MYO18B: variants seen among roughly 807,000 people sequenced by gnomAD.
The protein encoded by MYO18B is myosin XVIIIB, also known as unconventional myosin-XVIIIb.
Under a neutral mutation model 273.0 loss-of-function variants are expected in MYO18B, and 204 were observed. That is an observed-to-expected ratio of 0.75 (90% confidence interval 0.67 to 0.84). The LOEUF is 0.84. Ranked by LOEUF, MYO18B falls within the 40% of genes least tolerant of loss-of-function variation. MYO18B has a pLI of 0.00. For missense variants in MYO18B, 3,212 were observed against 3,287.6 expected (o/e 0.98, Z 0.56); for synonymous variants, 1,330 against 1,305.7 (o/e 1.02, Z -0.40).
chr22:25,768,931 G>C lies in MYO18B; in HGVS notation c.1015G>C (p.Gly339Arg). Residue 339 changes from glycine to arginine, a missense_variant, in exon 4 of 44, where the codon GGG (glycine) becomes CGG (arginine). By Grantham distance (125) the Gly-to-Arg change is moderately radical. Coordinates refer to ENST00000335473, the MANE Select transcript of MYO18B (RefSeq NM_032608.7). ...TCCCCAGAATAAGAAGGACAAAGAA[G>C]GGGTGCTCTTAAGTAAGGCAGAGAA... ...DGPQNKKDKEGVLLSKAEKTG... is the reference protein window; with the variant it reads ...DGPQNKKDKERVLLSKAEKTG... 9 of 1,612,522 alleles carry C rather than the reference G, an allele frequency of 5.6e-6. No individual in the cohort carries two copies. The highest frequency in any genetic ancestry group is 7.6e-6 in the Non-Finnish European group (9 of 1,179,308).
intron 40 of MYO18B, among the ~76,000 whole-genome samples, chr22:25,996,560 A>AGT (rs150956634): frequency 4.6e-5 from 7 of 151,618 alleles, no homozygotes; most frequent in South Asian, 2.1e-4. Context: ...CTGATGGTGG[A>AGT]GTGTGTGTGT....
chr22:25,839,791 G>T (rs868102482), intron 17 of MYO18B, among the ~76,000 whole-genome samples: 3 of 152,280 alleles, frequency 2.0e-5, no homozygotes, highest in South Asian at 4.1e-4. Context: ...GAAAGAGCTG[G>T]GGAAGCCCAG....
At chr22:25,777,942 T>C (rs571298038) in intron 8 of MYO18B, among the ~76,000 whole-genome samples, 161 bp downstream of exon 8, 8 of 152,212 alleles carry the variant, frequency 5.3e-5, no homozygotes, top group Non-Finnish European at 1.2e-4. Context: ...CCCTAGGTCA[T>C]TGGGATGCAT....
chr22:25,746,571 A>G (rs1191774820), intron 1 of MYO18B, among the ~76,000 whole-genome samples: 2 of 152,168 alleles, frequency 1.3e-5, no homozygotes, highest in Non-Finnish European at 1.5e-5. Flanking sequence ...TGTCTCTAGG[A>G]TGTTTCCAAA....
At chr22:25,974,650 A>C (rs1260546702) in intron 39 of MYO18B, among the ~76,000 whole-genome samples, 2 of 152,194 alleles carry the variant, frequency 1.3e-5, no homozygotes, top group African/African-American at 2.4e-5. Context: ...GCTCCAATAA[A>C]ACTTGATTTA....
intron 34 of MYO18B, among the ~76,000 whole-genome samples, chr22:25,932,422 C>CTTTTTTTTTTTTTTTTT (rs59932711): frequency 1.4e-5 from 1 of 72,616 alleles, no homozygotes; most frequent in African/African-American, 3.7e-5. Flanking sequence ...TTTTTTTTTT[C>CTTTTTTTTTTTTTTTTT]TTTGAGACAC....
chr22:25,870,346 T>A (rs535498622), intron 22 of MYO18B, among the ~76,000 whole-genome samples: 1 of 152,366 alleles, frequency 6.6e-6, no homozygotes, highest in African/African-American at 2.4e-5. Context: ...TGGCACAGCC[T>A]ATTGCTCCTA....
chr22:25,787,986 T>C (rs937831076), intron 11 of MYO18B, among the ~76,000 whole-genome samples: 2 of 152,352 alleles, frequency 1.3e-5, no homozygotes, highest in Admixed American at 1.3e-4. Context: ...GCTGGGGTCC[T>C]CTGAGCTTTC....
chr22:25,788,327 C>T (rs113033552), intron 11 of MYO18B, among the ~76,000 whole-genome samples: 7 of 152,274 alleles, frequency 4.6e-5, no homozygotes, highest in African/African-American at 1.7e-4. Flanking sequence ...AGGATATGTC[C>T]CCCAATAATG....
Position 25,761,003 on chromosome 22 carries a change from G to T in MYO18B, c.-90G>T. 1 of 1,378,658 alleles carries T rather than the reference G, an allele frequency of 7.3e-7. No homozygotes were observed. 85.4% of individuals were successfully genotyped at this position (1,378,658 alleles called of 1,614,324 possible). A position where few individuals can be genotyped will look rare whatever the true frequency, so the allele number is the denominator to read the frequency against. ...TGTCAGTTCTGTGTCCATCTCATGTGCTGCGTGTGTCTGTAAAGCCTCATT... is the reference window on the plus strand; with the variant it reads ...TGTCAGTTCTGTGTCCATCTCATGTTCTGCGTGTGTCTGTAAAGCCTCATT... On this transcript the variant is annotated 5_prime_UTR_variant, in exon 2 of 44. Transcript: ENST00000335473.
rs566724780 is a variant in MYO18B, at chr22:25,903,100, G to A, written c.4947+364G>A. ...GAGATTTTACTAAAATACAACACGG[G>A]TGCCTCACTCAGCTGCTCCTCATCC... On this transcript the variant is annotated intron_variant, in intron 30 of 43. Transcript: ENST00000335473. 187 of 226,814 alleles carry A rather than the reference G, an allele frequency of 8.2e-4. 4 individuals are homozygous for A. In the South Asian group the frequency reaches 0.012, roughly 15 times the overall value. 14.1% of individuals were successfully genotyped at this position (226,814 alleles called of 1,614,324 possible). A position where few individuals can be genotyped will look rare whatever the true frequency, so the allele number is the denominator to read the frequency against.
chr22:25,814,885 G>A (rs2088933367), intron 12 of MYO18B, among the ~76,000 whole-genome samples: 2 of 152,300 alleles, frequency 1.3e-5, no homozygotes, highest in South Asian at 4.1e-4. Context: ...ATGAGTAAGT[G>A]AAGGCTCAGA....
At chr22:25,791,504 G>C (rs764239183) in intron 11 of MYO18B, among the ~76,000 whole-genome samples, 4 of 152,194 alleles carry the variant, frequency 2.6e-5, no homozygotes, top group Non-Finnish European at 4.4e-5. Flanking sequence ...GCTTGTAAAT[G>C]GAACTTACTT....
At chr22:26,021,806 G>A (rs1935841583) in intron 42 of MYO18B, among the ~76,000 whole-genome samples, 1 of 152,170 alleles carries the variant, frequency 6.6e-6, no homozygotes, top group South Asian at 2.1e-4. Flanking sequence ...TATCTCTCAG[G>A]GTGGCTATGA....
At chr22:25,813,118 T>C (rs2331161) in intron 12 of MYO18B, among the ~76,000 whole-genome samples, 42,279 of 144,748 alleles carry the variant, frequency 0.29, 6,455 homozygotes, top group African/African-American at 0.34. Context: ...TTTCCTCCAC[T>C]TCTCCCTTCC....
At chr22:25,801,644 G>A (rs2088200109) in intron 12 of MYO18B, among the ~76,000 whole-genome samples, 1 of 152,146 alleles carries the variant, frequency 6.6e-6, no homozygotes, top group Non-Finnish European at 1.5e-5. Flanking sequence ...GAGAAGGTAT[G>A]CCACTGATCT....
At chr22:25,949,602 A>G (rs2146614721) in intron 36 of MYO18B, among the ~76,000 whole-genome samples, 1 of 152,338 alleles carries the variant, frequency 6.6e-6, no homozygotes, top group African/African-American at 2.4e-5. Context: ...CTGCTGGACA[A>G]GGAATAATAA....
At chr22:25,862,396 G>C (rs1028109043) in intron 21 of MYO18B, among the ~76,000 whole-genome samples, 7 of 152,280 alleles carry the variant, frequency 4.6e-5, no homozygotes, top group African/African-American at 1.7e-4. Context: ...ATTTTCCTAT[G>C]TGTTTTTGTT....
At chr22:25,902,998 A>G in intron 30 of MYO18B, 1 of 404,972 alleles carries the variant, frequency 2.5e-6, no homozygotes, top group Non-Finnish European at 4.6e-6. Flanking sequence ...GGGAGGTATA[A>G]CAGGCTCAGC....
Sources: allele counts gnomAD v4.1 joint callset (sites outside exome capture counted in the v4.1 genomes callset), GRCh38; gene constraint gnomAD v4.1.1; transcripts MANE v1.5; gene names NCBI Gene and HGNC (gene_info 2026-07-23, HGNC 2026-07-21).